The following CKAP4 variants were observed in gnomAD, a reference collection of about 807,000 sequenced individuals.
CKAP4 encodes cytoskeleton-associated protein 4.
Under a neutral mutation model 24.4 loss-of-function variants are expected in CKAP4, and 20 were observed. The observed-to-expected ratio is 0.82, with a 90% confidence interval of 0.58 to 1.19. CKAP4 has a LOEUF of 1.19. CKAP4 is among the 50% of genes most tolerant of loss of function. The pLI is 0.00. For missense variants in CKAP4, 744 were observed against 765.3 expected, an observed-to-expected ratio of 0.97 and a Z score of 0.33; for synonymous variants, 378 against 351.7, an observed-to-expected ratio of 1.07 and a Z score of -0.84.
Position 106,238,843 on chromosome 12 carries a change from TTAAA to T in CKAP4, c.*177_*180del. 1.4e-6 allele frequency: 1 copy of T among 690,902 alleles called. No homozygotes were observed. Among genetic ancestry groups the T allele is most frequent in the South Asian group, 1.9e-5 (1 of 53,046 alleles). The allele number at this position is 690,902 out of a possible 1,614,324, so 42.8% of individuals were successfully genotyped here. ...CCAACCAAATGCAGAAGCAGAGAAC[TTAAA>T]TATTGTAAATAAGTTAACTGGGCAT... On this transcript the variant is annotated 3_prime_UTR_variant, in exon 2 of 2. Coordinates refer to ENST00000378026, the MANE Select transcript of CKAP4 (RefSeq NM_006825.4).
chr12:106,239,224 C>G lies in CKAP4; in HGVS notation c.1609G>C (p.Asp537His), dbSNP rs1157967762. Residue 537 changes from aspartate to histidine, a missense_variant, in exon 2 of 2, where the codon GAC (aspartate) becomes CAC (histidine). By Grantham distance (81) the Asp-to-His change is moderately conservative. Transcript: ENST00000378026. The surrounding 1 kb of genome is among the most constrained non-coding windows in gnomAD (Gnocchi z 4.9). Reference sequence around the variant, plus strand: ...TGGCTGACTGAGGCTTTCAGGTTGTCTAGAGAAGAAAGTCTGTCCAGGAAG... The same window carrying G: ...TGGCTGACTGAGGCTTTCAGGTTGTGTAGAGAAGAAAGTCTGTCCAGGAAG... Reference protein sequence around the residue: ...QDFLDRLSSLDNLKASVSQVE... With the variant: ...QDFLDRLSSLHNLKASVSQVE... 6.2e-7 allele frequency: 1 copy of G among 1,614,150 alleles called. No homozygotes were observed. The highest frequency in any genetic ancestry group is 8.5e-7 in the Non-Finnish European group (1 of 1,180,028).
intron 1 of CKAP4, among the ~76,000 whole-genome samples, chr12:106,243,063 G>A (rs1004206714): frequency 1.3e-5 from 2 of 152,232 alleles, no homozygotes; most frequent in Admixed American, 1.3e-4. Flanking sequence ...GTAGGCAACA[G>A]GCAAGATGCC....
rs2033944722 is a variant in CKAP4 at position 106,239,365 on chromosome 12, T to G, written c.1468A>C (p.Lys490Gln). The change falls in exon 2 of 2, where the codon AAG (lysine) becomes CAG (glutamine). Residue 490 changes from lysine (K) to glutamine (Q), a missense_variant. Physicochemically the swap from Lys to Gln is moderately conservative, Grantham distance 53. Transcript: ENST00000378026. The surrounding 1 kb of genome is among the most constrained non-coding windows in gnomAD (Gnocchi z 4.9). ...LVLYGDVEEL[K>Q]RSVGELPSTV... ...CTGGGGAGCTCGCCCACACTCCTCTTCAGCTCCTCCACGTCACCGTAGAGC... is the reference window on the plus strand; with the variant it reads ...CTGGGGAGCTCGCCCACACTCCTCTGCAGCTCCTCCACGTCACCGTAGAGC... 6.2e-7 allele frequency: 1 copy of G among 1,603,876 alleles called. No individual in the cohort carries two copies. The highest frequency in any genetic ancestry group is 8.5e-7 in the Non-Finnish European group (1 of 1,179,076).
chr12:106,242,264 A>G (rs1387715519), intron 1 of CKAP4, among the ~76,000 whole-genome samples: 1 of 152,262 alleles, frequency 6.6e-6, no homozygotes, highest in Non-Finnish European at 1.5e-5. Context: ...GTGAACACTC[A>G]ATACATGGCA....
Position 106,239,288 on chromosome 12 carries a change from A to T in CKAP4, c.1545T>A (p.Ser515Arg). The T allele has an allele frequency of 1.9e-6, 3 of 1,612,280 alleles. No individual in the cohort carries two copies. The highest frequency in any genetic ancestry group is 2.5e-6 in the Non-Finnish European group (3 of 1,180,004). Residue 515 changes from serine to arginine, a missense_variant, in exon 2 of 2, where the codon AGT (serine) becomes AGA (arginine). By Grantham distance (110) the Ser-to-Arg change is moderately radical. Transcript: ENST00000378026. The surrounding 1 kb of genome is among the most constrained non-coding windows in gnomAD (Gnocchi z 4.9). ...GACGGGCGGCCTGGGCTTGGTCCTG[A>T]CTGAGCAGCGTGTGCACCTGCTCCT... ...KVQEQVHTLLSQDQAQAARLP... is the reference protein window; with the variant it reads ...KVQEQVHTLLRQDQAQAARLP...
At chr12:106,245,327 C>T (rs1003872315) in intron 1 of CKAP4, among the ~76,000 whole-genome samples, 19 of 152,180 alleles carry the variant, frequency 1.2e-4, no homozygotes, top group African/African-American at 4.3e-4. Context: ...GTCTTTTGCT[C>T]CTTCATACCC....
chr12:106,247,693 C>A lies in CKAP4; in HGVS notation c.159G>T (p.Gln53His). Reference sequence around the variant, plus strand: ...GGTTCTGCGGGTGCTGCTGCGGGTGCTGCTGCGGGTGCGGCGCGGGCGGCG... The same window carrying A: ...GGTTCTGCGGGTGCTGCTGCGGGTGATGCTGCGGGTGCGGCGCGGGCGGCG... ...PPPPPAPHPQQHPQQHPQNQA... is the reference protein window; with the variant it reads ...PPPPPAPHPQHHPQQHPQNQA... Residue 53 changes from glutamine (Q) to histidine (H), a missense_variant, in exon 1 of 2, where the codon CAG becomes CAT. Transcript: ENST00000378026. This position sits in a 1 kb window ranked among gnomAD's most constrained non-coding sequence, Gnocchi z 4.5. The A allele has an allele frequency of 1.9e-6, 2 of 1,056,260 alleles. No homozygotes were observed. The highest frequency in any genetic ancestry group is 3.8e-5 in the South Asian group (1 of 26,656). The allele number at this position is 1,056,260 out of a possible 1,614,324, so 65.4% of individuals were successfully genotyped here.
chr12:106,240,836 T>A (rs973704515), intron 1 of CKAP4, among the ~76,000 whole-genome samples: 9 of 152,108 alleles, frequency 5.9e-5, no homozygotes, highest in South Asian at 4.1e-4. Context: ...CTAAGTGGCA[T>A]TTTAAAAGAA....
chr12:106,240,639 C>T (rs544098772), intron 1 of CKAP4, among the ~76,000 whole-genome samples: 43 of 143,626 alleles, frequency 3.0e-4, no homozygotes, highest in Non-Finnish European at 4.5e-4. Context: ...TTAAAGGTGG[C>T]ACATGGTGCC....
At chr12:106,241,418 C>T (rs2033969796) in intron 1 of CKAP4, among the ~76,000 whole-genome samples, 4 of 150,188 alleles carry the variant, frequency 2.7e-5, no homozygotes, top group South Asian at 2.1e-4. Flanking sequence ...CTGCAAGCTC[C>T]GCCTCCCGGG....
Position 106,247,723 on chromosome 12 carries a change from C to T in CKAP4, c.129G>A (p.Pro43=), listed in dbSNP as rs1206184620. The T allele has an allele frequency of 1.9e-6, 2 of 1,043,588 alleles. No individual in the cohort carries two copies. Among genetic ancestry groups the T allele is most frequent in the Non-Finnish European group, 2.3e-6 (2 of 873,760 alleles). The allele number at this position is 1,043,588 out of a possible 1,614,324, so 64.6% of individuals were successfully genotyped here. ...AKKPPPAPQQ[P]PPPPAPHPQQ... Reference sequence around the variant, plus strand: ...GCGGGTGCGGCGCGGGCGGCGGCGGCGGCTGCTGCGGCGCCGGCGGCGGCT... The same window carrying T: ...GCGGGTGCGGCGCGGGCGGCGGCGGTGGCTGCTGCGGCGCCGGCGGCGGCT... The change falls in exon 1 of 2, where the codon CCG becomes CCA. Residue 43 remains proline, a synonymous_variant. Coordinates refer to ENST00000378026, the MANE Select transcript of CKAP4 (RefSeq NM_006825.4). The surrounding 1 kb of genome is among the most constrained non-coding windows in gnomAD (Gnocchi z 4.5).
rs1209611057 is a variant in CKAP4, at chr12:106,247,177, G to C, written c.483+192C>G. Among the ~76,000 whole-genome samples, 1 of 152,114 alleles carries C rather than the reference G, an allele frequency of 6.6e-6. No homozygotes were observed. The highest frequency in any genetic ancestry group is 1.5e-5 in the Non-Finnish European group (1 of 68,010). On this transcript the variant is annotated intron_variant, in intron 1 of 1. Coordinates refer to ENST00000378026, the MANE Select transcript of CKAP4 (RefSeq NM_006825.4). This position sits in a 1 kb window ranked among gnomAD's most constrained non-coding sequence, Gnocchi z 4.5. ...GCAGCCATTAACAAAGGGGGTCTGGGGACTGCCTCGGAACTAGGGGGCCGC... is the reference window on the plus strand; with the variant it reads ...GCAGCCATTAACAAAGGGGGTCTGGCGACTGCCTCGGAACTAGGGGGCCGC...
In CKAP4 at chr12:106,247,303, A is replaced by G; in HGVS notation, c.483+66T>C. 1 of 1,405,942 alleles carries G rather than the reference A, an allele frequency of 7.1e-7. No homozygotes were observed. Among genetic ancestry groups the G allele is most frequent in the South Asian group, 1.3e-5 (1 of 76,538 alleles). 87.1% of individuals were successfully genotyped at this position (1,405,942 alleles called of 1,614,324 possible). A position where few individuals can be genotyped will look rare whatever the true frequency, so the allele number is the denominator to read the frequency against. On this transcript the variant is annotated intron_variant, in intron 1 of 1. Transcript: ENST00000378026. The surrounding 1 kb of genome is among the most constrained non-coding windows in gnomAD (Gnocchi z 4.5). ...GCTAGGGGCCGGTCGGGAAGCACGA[A>G]GGAGCCCGGCCGTGGGTCCGGAGGC...
chr12:106,242,879 G>C (rs1207881711), intron 1 of CKAP4, among the ~76,000 whole-genome samples: 1 of 152,186 alleles, frequency 6.6e-6, no homozygotes, highest in Non-Finnish European at 1.5e-5. Context: ...CAAATGGTTA[G>C]GAAGGAGACT....
rs1314260477 is a variant in CKAP4, at chr12:106,239,398, G to A, written c.1435C>T (p.Gln479Ter). ...ASTVRSLGET[Q>*]LVLYGDVEEL... ...TCCACGTCACCGTAGAGCACCAGCT[G>A]GGTCTCGCCCAGGCTCCTCACCGTG... is the stretch of plus-strand genomic sequence containing the variant. Residue 479 changes from glutamine to a stop codon, truncating the protein, a stop_gained, in exon 2 of 2, where the codon CAG becomes TAG. Coordinates refer to ENST00000378026, the MANE Select transcript of CKAP4 (RefSeq NM_006825.4). LOFTEE classifies it high-confidence loss of function. The surrounding 1 kb of genome is among the most constrained non-coding windows in gnomAD (Gnocchi z 4.9). The A allele has an allele frequency of 6.2e-7, 1 of 1,600,074 alleles. No individual in the cohort carries two copies. The highest frequency in any genetic ancestry group is 1.7e-5 in the Admixed American group (1 of 59,958).
chr12:106,239,867 G>A lies in CKAP4; in HGVS notation c.966C>T (p.Tyr322=), dbSNP rs770325130. ...STLQTMESDI[Y]TEVRELVSLK... The stretch of plus-strand genomic sequence containing the variant: ...GGCTCACCAGCTCGCGGACCTCGGT[G>A]TAGATGTCAGACTCCATAGTCTGAA... Residue 322 remains tyrosine, a synonymous_variant, in exon 2 of 2, where the codon TAC becomes TAT. Coordinates refer to ENST00000378026, the MANE Select transcript of CKAP4 (RefSeq NM_006825.4). The surrounding 1 kb of genome is among the most constrained non-coding windows in gnomAD (Gnocchi z 4.9). The A allele has an allele frequency of 5.0e-6, 8 of 1,614,112 alleles. No individual in the cohort carries two copies. Among genetic ancestry groups the A allele is most frequent in the Non-Finnish European group, 6.8e-6 (8 of 1,180,018 alleles).
chr12:106,242,792 G>A (rs538280385), intron 1 of CKAP4, among the ~76,000 whole-genome samples: 1 of 152,144 alleles, frequency 6.6e-6, no homozygotes, highest in Non-Finnish European at 1.5e-5. Context: ...ACATAATGAG[G>A]GAATTCAAGC....
chr12:106,247,304 G>A lies in CKAP4; in HGVS notation c.483+65C>T. On this transcript the variant is annotated intron_variant, in intron 1 of 1. Transcript: ENST00000378026. This position sits in a 1 kb window ranked among gnomAD's most constrained non-coding sequence, Gnocchi z 4.5. ...CTAGGGGCCGGTCGGGAAGCACGAA[G>A]GAGCCCGGCCGTGGGTCCGGAGGCC... The A allele has an allele frequency of 2.1e-6, 3 of 1,414,156 alleles. No homozygotes were observed. The highest frequency in any genetic ancestry group is 2.8e-6 in the Non-Finnish European group (3 of 1,061,136). The allele number at this position is 1,414,156 out of a possible 1,614,324, so 87.6% of individuals were successfully genotyped here. A position where few individuals can be genotyped will look rare whatever the true frequency, so the allele number is the denominator to read the frequency against.
Position 106,247,806 on chromosome 12 carries a change from C to A in CKAP4, c.46G>T (p.Ala16Ser). The change falls in exon 1 of 2, where the codon GCG (alanine) becomes TCG (serine). Residue 16 changes from alanine (A) to serine (S), a missense_variant. Around this residue, in one of 3 missense-constraint regions of CKAP4, gnomAD observed 300 missense variants for 264.5 expected, o/e 1.13. Transcript: ENST00000378026. This position sits in a 1 kb window ranked among gnomAD's most constrained non-coding sequence, Gnocchi z 4.5. Reference sequence around the variant, plus strand: ...TGGGCACCCTTCTCCGAGGGGCTCGCGGCGCCGTGGCCGCCCTTGGAGCCC... The same window carrying A: ...TGGGCACCCTTCTCCGAGGGGCTCGAGGCGCCGTGGCCGCCCTTGGAGCCC... ...QRGSKGGHGAASPSEKGAHPS... is the reference protein window; with the variant it reads ...QRGSKGGHGASSPSEKGAHPS... The A allele has an allele frequency of 1.9e-6, 2 of 1,050,996 alleles. No homozygotes were observed. The highest frequency in any genetic ancestry group is 2.3e-6 in the Non-Finnish European group (2 of 876,240). The allele number at this position is 1,050,996 out of a possible 1,614,324, so 65.1% of individuals were successfully genotyped here. A position where few individuals can be genotyped will look rare whatever the true frequency, so the allele number is the denominator to read the frequency against.
Sources: allele counts gnomAD v4.1 joint callset (sites outside exome capture counted in the v4.1 genomes callset), GRCh38; gene constraint gnomAD v4.1.1; regional missense constraint gnomAD v4.1.1; non-coding constraint Gnocchi (gnomAD v3.1); transcripts MANE v1.5; gene names NCBI Gene and HGNC (gene_info 2026-07-23, HGNC 2026-07-21).